The following ATP9B variants were observed in gnomAD, a reference collection of about 807,000 sequenced individuals.
ATP9B encodes ATPase phospholipid transporting 9B.
Under a neutral mutation model 146.1 loss-of-function variants are expected in ATP9B, and 110 were observed. That is an observed-to-expected ratio of 0.75 (90% CI 0.65 to 0.88). ATP9B has a LOEUF of 0.88. Among genes scored for constraint, ATP9B ranks in the 40% least tolerant of loss-of-function variants. The probability of loss-of-function intolerance (pLI) is 0.00; values close to 1 mark genes in which losing one functional copy is unlikely to be tolerated. For missense variants in ATP9B, 1,499 were observed against 1,496.4 expected, an observed-to-expected ratio of 1.00 and a Z score of -0.03; for synonymous variants, 604 against 569.7, an observed-to-expected ratio of 1.06 and a Z score of -0.86.
At chr18:79,131,705 C>G (rs1347138235) in intron 5 of ATP9B, among the ~76,000 whole-genome samples, 1 of 152,082 alleles carries the variant, frequency 6.6e-6, no homozygotes, top group African/African-American at 2.4e-5. Flanking sequence ...GTGATAATAG[C>G]CCAGATGTTC....
At position 79,347,820 on chromosome 18, in the gene ATP9B, G is replaced by A. The variant is rs1203912050; in HGVS notation, c.2733G>A (p.Arg911=). 1 of 1,612,716 alleles carries A rather than the reference G, an allele frequency of 6.2e-7. No individual in the cohort carries two copies. The highest frequency in any genetic ancestry group is 8.5e-7 in the Non-Finnish European group (1 of 1,179,238). ...CCGACTTCTCCATCACGCAGTTCCG[G>A]CACATAGGCAGGCTGCTCATGGTGC... ...LAADFSITQF[R]HIGRLLMVHG... Residue 911 remains arginine (R), a synonymous_variant, in exon 24 of 30, where the codon CGG becomes CGA. Coordinates refer to ENST00000426216, the MANE Select transcript of ATP9B (RefSeq NM_198531.5).
chr18:79,092,817 C>A (rs1174539975), intron 1 of ATP9B, among the ~76,000 whole-genome samples: 1 of 151,834 alleles, frequency 6.6e-6, no homozygotes, highest in African/African-American at 2.4e-5. Context: ...TGCTGGGATA[C>A]CTCCTGAAGG....
At chr18:79,107,706 T>C (rs1208153265) in intron 2 of ATP9B, among the ~76,000 whole-genome samples, 1 of 152,186 alleles carries the variant, frequency 6.6e-6, no homozygotes, top group Non-Finnish European at 1.5e-5. Context: ...TCACAAGTGA[T>C]TCATTTTTTT....
At chr18:79,337,165 G>A (rs1194191960) in intron 18 of ATP9B, 114 bp from the exon 19 acceptor site, 23 of 1,339,876 alleles carry the variant, frequency 1.7e-5, no homozygotes, top group African/African-American at 4.8e-5. Context: ...GCACGTACAC[G>A]TGTGCACATA....
At chr18:79,349,911 G>T (rs1256223942) in intron 25 of ATP9B, among the ~76,000 whole-genome samples, 1 of 55,388 alleles carries the variant, frequency 1.8e-5, no homozygotes, top group African/African-American at 6.0e-5. Context: ...CCCCCACCAT[G>T]CACCTTCACA....
chr18:79,224,021 G>C (rs2095705775), intron 11 of ATP9B, among the ~76,000 whole-genome samples: 1 of 152,044 alleles, frequency 6.6e-6, no homozygotes, highest in South Asian at 2.1e-4. Flanking sequence ...GACTTAGTTA[G>C]CTTTACATAA....
chr18:79,295,021 AAT>A (rs2096537284), intron 13 of ATP9B, among the ~76,000 whole-genome samples: 1 of 152,124 alleles, frequency 6.6e-6, no homozygotes, highest in African/African-American at 2.4e-5. Context: ...TACATACAAA[AAT>A]GACATTTTCT....
intron 12 of ATP9B, among the ~76,000 whole-genome samples, chr18:79,263,114 G>A (rs1386899849): frequency 6.6e-6 from 1 of 152,132 alleles, no homozygotes; most frequent in Non-Finnish European, 1.5e-5. Context: ...ATATATTTAT[G>A]AGATACAATG....
At chr18:79,181,161 C>A (rs1329306255) in intron 8 of ATP9B, among the ~76,000 whole-genome samples, 2 of 152,052 alleles carry the variant, frequency 1.3e-5, no homozygotes, top group African/African-American at 4.8e-5. Flanking sequence ...TTATCTTTGC[C>A]TTTCAGAGCT....
intron 1 of ATP9B, among the ~76,000 whole-genome samples, chr18:79,078,952 G>A (rs886618784): frequency 1.3e-5 from 2 of 152,114 alleles, no homozygotes; most frequent in Admixed American, 6.5e-5. Context: ...GAGAATGACG[G>A]TTTCCAGCTT....
intron 11 of ATP9B, among the ~76,000 whole-genome samples, chr18:79,230,227 A>T (rs113599354): frequency 2.6e-5 from 4 of 152,232 alleles, no homozygotes; most frequent in African/African-American, 9.6e-5. Flanking sequence ...GCAATCGGAC[A>T]AGAGAAAGAA....
At chr18:79,211,954 A>G (rs2095587871) in intron 10 of ATP9B, among the ~76,000 whole-genome samples, 1 of 152,162 alleles carries the variant, frequency 6.6e-6, no homozygotes, top group Admixed American at 6.5e-5. Context: ...TGACATTTAT[A>G]TTTGTCACAT....
intron 15 of ATP9B, among the ~76,000 whole-genome samples, chr18:79,318,296 T>A (rs2096693832): frequency 6.6e-6 from 1 of 152,102 alleles, no homozygotes; most frequent in Admixed American, 6.6e-5. Flanking sequence ...GTGAGTAGGG[T>A]CAGCATCAGC....
intron 4 of ATP9B, among the ~76,000 whole-genome samples, chr18:79,125,220 C>T (rs142569122): frequency 2.4e-4 from 36 of 151,886 alleles, no homozygotes; most frequent in African/African-American, 8.4e-4. Context: ...GTTGTAGGGC[C>T]GAGGGAGGCT....
intron 5 of ATP9B, among the ~76,000 whole-genome samples, chr18:79,134,453 C>T (rs2094423432): frequency 6.6e-6 from 1 of 152,100 alleles, no homozygotes; most frequent in African/African-American, 2.4e-5. Flanking sequence ...GTCCTGGTTT[C>T]CCCCAGAGTA....
chr18:79,211,457 A>G (rs969450535), intron 10 of ATP9B, among the ~76,000 whole-genome samples: 2 of 152,226 alleles, frequency 1.3e-5, no homozygotes, highest in Non-Finnish European at 2.9e-5. Context: ...TCCACATAGC[A>G]GCCTCTTTGA....
At chr18:79,225,316 A>G (rs1202856475) in intron 11 of ATP9B, among the ~76,000 whole-genome samples, 3 of 152,204 alleles carry the variant, frequency 2.0e-5, no homozygotes, top group Non-Finnish European at 4.4e-5. Context: ...ATGAAATTAG[A>G]TAGTTTTTCA....
intron 26 of ATP9B, among the ~76,000 whole-genome samples, chr18:79,368,938 CCA>C (rs1467704668): frequency 6.6e-6 from 1 of 151,794 alleles, no homozygotes; most frequent in Non-Finnish European, 1.5e-5. Flanking sequence ...GTGCAGAGCC[CCA>C]GTTAATTGGG....
chr18:79,234,101 G>C (rs996705944), intron 11 of ATP9B, among the ~76,000 whole-genome samples: 1 of 152,132 alleles, frequency 6.6e-6, no homozygotes, highest in Non-Finnish European at 1.5e-5. Context: ...GAAAACAAGA[G>C]TGGATACATC....
Sources: allele counts gnomAD v4.1 joint callset (sites outside exome capture counted in the v4.1 genomes callset), GRCh38; gene constraint gnomAD v4.1.1; transcripts MANE v1.5; gene names NCBI Gene and HGNC (gene_info 2026-07-23, HGNC 2026-07-21).